The following RPH3AL variants were observed in gnomAD, a reference collection of about 807,000 sequenced individuals.
The protein encoded by RPH3AL is rab effector Noc2.
RPH3AL carries 38 observed loss-of-function variants against 43.1 expected under a neutral mutation model. The observed-to-expected ratio is 0.88, with a 90% CI of 0.68 to 1.15. The LOEUF is 1.15. Among genes scored for constraint, RPH3AL ranks in the 50% most tolerant of loss-of-function variants. The pLI is 0.00. For synonymous variants in RPH3AL, 189 were observed against 176.3 expected (o/e 1.07, Z -0.57); for missense variants, 462 against 423.2 (o/e 1.09, Z -0.81).
At chr17:280,063 C>CACA (rs1216501486) in intron 6 of RPH3AL, among the ~76,000 whole-genome samples, 1 of 152,212 alleles carries the variant, frequency 6.6e-6, no homozygotes, top group Admixed American at 6.5e-5. Flanking sequence ...AAAATACTTT[C>CACA]ACAACAACAG....
chr17:336,549 G>A (rs756192919), intron 1 of RPH3AL, among the ~76,000 whole-genome samples: 6 of 152,206 alleles, frequency 3.9e-5, no homozygotes, highest in East Asian at 1.9e-4. Flanking sequence ...TGCCCAGACC[G>A]TGGCAAATCT....
chr17:265,962 G>C (rs1253197745), intron 6 of RPH3AL, among the ~76,000 whole-genome samples: 1 of 152,170 alleles, frequency 6.6e-6, no homozygotes, highest in Admixed American at 6.5e-5. Context: ...GCGTGAGGGG[G>C]CAAAGCACAA....
chr17:218,770 G>A (rs1185749508), intron 8 of RPH3AL, among the ~76,000 whole-genome samples: 5 of 152,176 alleles, frequency 3.3e-5, no homozygotes, highest in African/African-American at 9.7e-5. Flanking sequence ...GTCAGAAGGC[G>A]CTTTGGAGGC....
Position 321,911 on chromosome 17 carries a change from A to C in RPH3AL, c.78-496T>G, listed in dbSNP as rs375512424. Reference sequence around the variant, plus strand: ...GAGAAGGCCAAGGTCACAGCACGAGAGGTGTCAAGGGAGGAGCATGAGAGA... The same window carrying C: ...GAGAAGGCCAAGGTCACAGCACGAGCGGTGTCAAGGGAGGAGCATGAGAGA... On this transcript the variant is annotated intron_variant, in intron 3 of 9. Transcript: ENST00000331302. 4.6e-5 allele frequency among the ~76,000 whole-genome samples: 7 copies of C among 152,348 alleles called. 2 individuals are homozygous for C. Among genetic ancestry groups the C allele is most frequent in the East Asian group, 1.9e-4 (1 of 5,186 alleles).
intron 5 of RPH3AL, among the ~76,000 whole-genome samples, chr17:301,586 C>T (rs2043329400): frequency 6.6e-6 from 1 of 152,014 alleles, no homozygotes. Context: ...ACTGCAGGGG[C>T]ACAACCAGGC....
intron 5 of RPH3AL, among the ~76,000 whole-genome samples, chr17:300,836 G>C (rs1275889832): frequency 1.1e-4 from 15 of 136,432 alleles, no homozygotes; most frequent in African/African-American, 4.4e-4. Flanking sequence ...GCAGGGGCTG[G>C]CCCAGCCTAG....
rs948257654 is a variant in RPH3AL, at chr17:286,201, G to A, written c.352-4347C>T. Among the ~76,000 whole-genome samples the A allele has an allele frequency of 4.3e-4, 66 of 152,294 alleles. 1 individual carries two copies. The highest frequency in any genetic ancestry group is 2.0e-4 in the Admixed American group (3 of 15,300). On this transcript the variant is annotated intron_variant, in intron 5 of 9. Transcript: ENST00000331302. ...CTCTACTCACAGACCACGAGGACGC[G>A]GAGCCAACGGATCTGGGGACAGGAG...
intron 5 of RPH3AL, among the ~76,000 whole-genome samples, chr17:311,758 G>A (rs1407511426): frequency 6.6e-6 from 1 of 152,164 alleles, no homozygotes; most frequent in South Asian, 2.1e-4. Context: ...GAGCTACAAA[G>A]GCTTCCAGAG....
chr17:340,390 A>G (rs2045081497), intron 1 of RPH3AL, among the ~76,000 whole-genome samples: 1 of 149,818 alleles, frequency 6.7e-6, no homozygotes, highest in Non-Finnish European at 1.5e-5. Flanking sequence ...GCCTCCCCAC[A>G]TCCACACTCA....
rs919725384 is a variant in RPH3AL, at chr17:337,741, C to T, written c.-212-3807G>A. On this transcript the variant is annotated intron_variant, in intron 1 of 9. Transcript: ENST00000331302. ...GACGAGGCACCAGGCCCGTGCCCAG[C>T]CGCTCAGTCTCGCTGCTCGAGGGCT... Among the ~76,000 whole-genome samples the T allele has an allele frequency of 3.9e-5, 6 of 152,224 alleles. No homozygotes were observed. The East Asian group carries it at 1.2e-3, about 29-fold the overall frequency.
At chr17:248,493 C>T (rs1263196702) in intron 6 of RPH3AL, among the ~76,000 whole-genome samples, 16 of 152,298 alleles carry the variant, frequency 1.1e-4, no homozygotes, top group African/African-American at 2.9e-4. Context: ...TATCACTGCC[C>T]TGGGGAAGTG....
At chr17:319,772 CAGAGA>C (rs1472599716) in intron 4 of RPH3AL, among the ~76,000 whole-genome samples, 2 of 148,480 alleles carry the variant, frequency 1.3e-5, no homozygotes, top group Non-Finnish European at 3.0e-5. Context: ...GCAAACAAGC[CAGAGA>C]CAGACATGGT....
At chr17:299,281 G>A (rs2043261965) in intron 5 of RPH3AL, among the ~76,000 whole-genome samples, 1 of 124,164 alleles carries the variant, frequency 8.1e-6, no homozygotes, top group South Asian at 2.9e-4. Context: ...CCTGTATGTG[G>A]TTCCTGGGCA....
chr17:312,278 G>C (rs1424157151), intron 5 of RPH3AL, among the ~76,000 whole-genome samples: 1 of 152,136 alleles, frequency 6.6e-6, no homozygotes, highest in Non-Finnish European at 1.5e-5. Context: ...TCCAGCCTGG[G>C]TGACAGAGTG....
chr17:326,426 T>G (rs2044621856), intron 3 of RPH3AL, among the ~76,000 whole-genome samples: 1 of 152,238 alleles, frequency 6.6e-6, no homozygotes. Context: ...GGGGCCCTTT[T>G]GGACTTATCA....
rs1354201511 is a variant in RPH3AL, at chr17:324,098, C to T, written c.78-2683G>A. Among the ~76,000 whole-genome samples the T allele has an allele frequency of 3.3e-5, 5 of 152,214 alleles. No individual in the cohort carries two copies. The East Asian group carries it at 9.6e-4, about 29-fold the overall frequency. On this transcript the variant is annotated intron_variant, in intron 3 of 9. Transcript: ENST00000331302. The stretch of plus-strand genomic sequence containing the variant: ...GCCCGGACCCTGAGGCACCCCGCCC[C>T]ATTTCTCAGAGGAAACGAGGTGCGG...
At chr17:315,015 C>A (rs1194844985) in intron 5 of RPH3AL, among the ~76,000 whole-genome samples, 1 of 147,166 alleles carries the variant, frequency 6.8e-6, no homozygotes, top group Non-Finnish European at 1.5e-5. Flanking sequence ...TCTCTGTGCT[C>A]CACCTCCATT....
At chr17:336,920 C>A (rs2044973140) in intron 1 of RPH3AL, among the ~76,000 whole-genome samples, 1 of 152,184 alleles carries the variant, frequency 6.6e-6, no homozygotes, top group African/African-American at 2.4e-5. Context: ...CCTGGGAATT[C>A]TCCAGCTCCT....
intron 5 of RPH3AL, among the ~76,000 whole-genome samples, chr17:298,035 C>T (rs1598040480): frequency 6.6e-6 from 1 of 152,162 alleles, no homozygotes; most frequent in Non-Finnish European, 1.5e-5. Flanking sequence ...ACTTTGCTGT[C>T]CTCTCCCAAC....
Sources: allele counts gnomAD v4.1 joint callset (sites outside exome capture counted in the v4.1 genomes callset), GRCh38; gene constraint gnomAD v4.1.1; transcripts MANE v1.5; gene names NCBI Gene and HGNC (gene_info 2026-07-23, HGNC 2026-07-21).